The following NECTIN1 variants were observed in gnomAD, a reference collection of about 807,000 sequenced individuals.
NECTIN1 encodes the protein nectin cell adhesion molecule 1.
In NECTIN1, 23 loss-of-function variants were observed where a neutral mutation model predicts 48.0. That is an observed-to-expected ratio of 0.48 (90% CI 0.34 to 0.68). The LOEUF is 0.68. Ranked by LOEUF, NECTIN1 falls within the 30% of genes least tolerant of loss-of-function variation. The pLI is 0.01. For missense variants in NECTIN1, 591 were observed against 709.9 expected (o/e 0.83, Z 1.90); for synonymous variants, 270 against 288.9 (o/e 0.93, Z 0.66).
At position 119,696,286 on chromosome 11, in the gene NECTIN1, C is replaced by G. The variant is rs557066457; in HGVS notation, c.80-17521G>C. ...CTTTGGAGGGCAGGTTGGTGTCCCCCGCACAGTGCTCAGCGACTCAGGCTG... is the reference window on the plus strand; with the variant it reads ...CTTTGGAGGGCAGGTTGGTGTCCCCGGCACAGTGCTCAGCGACTCAGGCTG... On this transcript the variant is annotated intron_variant, in intron 1 of 5. Transcript: ENST00000264025. 1.3e-4 allele frequency among the ~76,000 whole-genome samples: 20 copies of G among 152,298 alleles called. 1 individual carries two copies. In the South Asian group the frequency reaches 3.7e-3, roughly 28 times the overall value.
chr11:119,684,193 G>A lies in NECTIN1; in HGVS notation c.80-5428C>T, dbSNP rs1431788019. Among the ~76,000 whole-genome samples the A allele has an allele frequency of 6.6e-6, 1 of 152,258 alleles. No homozygotes were observed. Among genetic ancestry groups the A allele is most frequent in the African/African-American group, 2.4e-5 (1 of 41,470 alleles). On this transcript the variant is annotated intron_variant, in intron 1 of 5. Transcript: ENST00000264025. This position sits in a 1 kb window ranked among gnomAD's most constrained non-coding sequence, Gnocchi z 5.2. ...AAGCAGGCTGGAACTGGGCTCAGGG[G>A]TAGGTGAAAGTGGGTACCTAGGTGA...
downstream of NECTIN1, among the ~76,000 whole-genome samples, chr11:119,656,092 C>T (rs756468656): frequency 2.6e-5 from 4 of 151,808 alleles, no homozygotes; most frequent in Non-Finnish European, 5.9e-5. Flanking sequence ...ATGCAAGTCT[C>T]GCTATGTCAC....
chr11:119,667,653 G>A (rs1057475662), intron 5 of NECTIN1, among the ~76,000 whole-genome samples: 3 of 152,026 alleles, frequency 2.0e-5, no homozygotes, highest in South Asian at 4.2e-4. Context: ...CGTGGTTCTC[G>A]GCTTTCCTCT....
chr11:119,640,291 C>A, intron 5 of NECTIN1: 1 of 496,228 alleles, frequency 2.0e-6, no homozygotes, highest in Admixed American at 3.4e-5. Flanking sequence ...ATCTCCTGGA[C>A]AGGCAGCAGG....
At position 119,663,975 on chromosome 11, in the gene NECTIN1, C is replaced by T; in HGVS notation, c.*772G>A. 1 of 986,108 alleles carries T rather than the reference C, an allele frequency of 1.0e-6. No individual in the cohort carries two copies. The highest frequency in any genetic ancestry group is 1.2e-6 in the Non-Finnish European group (1 of 830,534). The allele number at this position is 986,108 out of a possible 1,614,324, so 61.1% of individuals were successfully genotyped here. ...ATGTGTGTGTGTGTGCACGTGTCAG[C>T]AGAGGCAGAGAGCAAGTGTGGGCTG... On this transcript the variant is annotated 3_prime_UTR_variant, in exon 6 of 6. Coordinates refer to ENST00000264025, the MANE Select transcript of NECTIN1 (RefSeq NM_002855.5).
chr11:119,667,145 C>A (rs936630407), intron 5 of NECTIN1, among the ~76,000 whole-genome samples: 2 of 152,156 alleles, frequency 1.3e-5, no homozygotes, highest in African/African-American at 4.8e-5. Flanking sequence ...CAAGCATCTC[C>A]CGGCTCACCA....
At chr11:119,706,609 T>C (rs1865552108) in intron 1 of NECTIN1, among the ~76,000 whole-genome samples, 1 of 152,184 alleles carries the variant, frequency 6.6e-6, no homozygotes, top group African/African-American at 2.4e-5. Flanking sequence ...CGATTTCAAA[T>C]AAACGGCATG....
chr11:119,728,838 CTCT>C lies in NECTIN1; in HGVS notation c.-288_-286del, dbSNP rs1160774998. The C allele has an allele frequency of 2.9e-6, 1 of 347,262 alleles. No individual in the cohort carries two copies. Among genetic ancestry groups the C allele is most frequent in the African/African-American group, 2.1e-5 (1 of 46,934 alleles). 21.5% of individuals were successfully genotyped at this position (347,262 alleles called of 1,614,324 possible). On this transcript the variant is annotated 5_prime_UTR_variant, in exon 1 of 6. Coordinates refer to ENST00000264025, the MANE Select transcript of NECTIN1 (RefSeq NM_002855.5). ...TCTCCTCCCGGCGCCGGTCCCCGCC[CTCT>C]TCTTCCACGCAGAGCGGGGCTGGGG... is the stretch of plus-strand genomic sequence containing the variant.
In NECTIN1 at chr11:119,728,567, T is replaced by G. The variant is rs532532784; in HGVS notation, c.-14A>C. The G allele has an allele frequency of 3.9e-5, 61 of 1,560,942 alleles. No homozygotes were observed. The highest frequency in any genetic ancestry group is 3.6e-4 in the South Asian group (31 of 85,234). ...CATCCGAGCCATCGGGGGCCGGGGG[T>G]CCGGCGAGAGGGGCGGCGAGGGCAG... On this transcript the variant is annotated 5_prime_UTR_variant, in exon 1 of 6. Coordinates refer to ENST00000264025, the MANE Select transcript of NECTIN1 (RefSeq NM_002855.5).
chr11:119,643,168 T>C (rs796097643), intron 5 of NECTIN1, among the ~76,000 whole-genome samples: 21 of 152,294 alleles, frequency 1.4e-4, no homozygotes, highest in African/African-American at 4.8e-4. Flanking sequence ...ACTTCCATTG[T>C]CACCATGGGC....
intron 1 of NECTIN1, among the ~76,000 whole-genome samples, chr11:119,702,670 G>A (rs904239606): frequency 6.6e-6 from 1 of 152,222 alleles, no homozygotes; most frequent in Non-Finnish European, 1.5e-5. Flanking sequence ...TGCAAGCTCT[G>A]TGACTTTTTT....
chr11:119,676,020 A>AAAT (rs1555078738), intron 4 of NECTIN1, among the ~76,000 whole-genome samples: 3 of 151,484 alleles, frequency 2.0e-5, no homozygotes, highest in Non-Finnish European at 4.4e-5. Context: ...AAAAAAAAAA[A>AAAT]AATAATAATA....
intron 5 of NECTIN1, among the ~76,000 whole-genome samples, chr11:119,650,738 T>C (rs1159520754): frequency 6.6e-6 from 1 of 152,174 alleles, no homozygotes; most frequent in Admixed American, 6.6e-5. Context: ...GAAACTCTCT[T>C]CATGTCTTCA....
At chr11:119,660,871 G>A, downstream of NECTIN1, 1 of 450,930 alleles carries the variant, frequency 2.2e-6, no homozygotes, top group Non-Finnish European at 2.9e-6. Context: ...TGGAACCCTG[G>A]AACCTGGACA....
At chr11:119,647,025 A>G (rs1333652507) in intron 5 of NECTIN1, among the ~76,000 whole-genome samples, 1 of 152,092 alleles carries the variant, frequency 6.6e-6, no homozygotes, top group Non-Finnish European at 1.5e-5. Context: ...CCCTGATCTC[A>G]TCCTGCCTGT....
intron 5 of NECTIN1, among the ~76,000 whole-genome samples, chr11:119,653,136 G>C (rs1007902043): frequency 6.6e-6 from 1 of 152,168 alleles, no homozygotes; most frequent in Non-Finnish European, 1.5e-5. Flanking sequence ...TTGATCCGGG[G>C]GTGGTGACAT....
At position 119,677,506 on chromosome 11, in the gene NECTIN1, G is replaced by A; in HGVS notation, c.733+49C>T. 6.3e-7 allele frequency: 1 copy of A among 1,586,364 alleles called. No homozygotes were observed. Among genetic ancestry groups the A allele is most frequent in the Non-Finnish European group, 8.6e-7 (1 of 1,157,056 alleles). The stretch of plus-strand genomic sequence containing the variant: ...GAGAAAGGAGAGGAGGAGGGAGGAG[G>A]GACAGTGGCGCCCACCCCAGGAGGC... On this transcript the variant is annotated intron_variant, in intron 3 of 5. Transcript: ENST00000264025. The surrounding 1 kb of genome is among the most constrained non-coding windows in gnomAD (Gnocchi z 5.4).
At chr11:119,704,602 G>T (rs1357840866) in intron 1 of NECTIN1, among the ~76,000 whole-genome samples, 3 of 152,210 alleles carry the variant, frequency 2.0e-5, no homozygotes, top group Non-Finnish European at 4.4e-5. Context: ...CCCCTTGCCT[G>T]AGGGTAGGAA....
intron 5 of NECTIN1, among the ~76,000 whole-genome samples, chr11:119,651,909 C>G (rs567837310): frequency 2.2e-4 from 33 of 152,272 alleles, no homozygotes; most frequent in African/African-American, 7.5e-4. Context: ...GCCCTTTGTT[C>G]CACATGCAGA....
Sources: allele counts gnomAD v4.1 joint callset (sites outside exome capture counted in the v4.1 genomes callset), GRCh38; gene constraint gnomAD v4.1.1; non-coding constraint Gnocchi (gnomAD v3.1); transcripts MANE v1.5; gene names NCBI Gene and HGNC (gene_info 2026-07-23, HGNC 2026-07-21).